ZBTB16: variants seen among roughly 807,000 people sequenced by gnomAD.
ZBTB16 encodes zinc finger and BTB domain-containing protein 16.
ZBTB16 carries 8 observed loss-of-function variants against 56.8 expected under a neutral mutation model. The observed-to-expected ratio is 0.14, with a 90% CI of 0.08 to 0.25. ZBTB16 has a LOEUF of 0.25. Among genes scored for constraint, ZBTB16 ranks in the 10% least tolerant of loss-of-function variants. ZBTB16 has a pLI of 1.00. For synonymous variants in ZBTB16, 363 were observed against 368.5 expected, an observed-to-expected ratio of 0.98 and a Z score of 0.17; for missense variants, 625 against 903.0, an observed-to-expected ratio of 0.69 and a Z score of 3.95.
intron 3 of ZBTB16, among the ~76,000 whole-genome samples, chr11:114,182,989 C>G (rs550546517): frequency 2.3e-4 from 35 of 152,310 alleles, no homozygotes; most frequent in African/African-American, 7.9e-4. Flanking sequence ...CCAGCCATTA[C>G]AGAGACCATT....
At chr11:114,205,396 T>G (rs1943841395) in intron 4 of ZBTB16, among the ~76,000 whole-genome samples, 1 of 145,600 alleles carries the variant, frequency 6.9e-6, no homozygotes, top group Non-Finnish European at 1.5e-5. Context: ...GGTGACAGAG[T>G]GAGACTCCGT....
rs1942409024 is a variant in ZBTB16, at chr11:114,156,342, T to C, written c.1274T>C (p.Leu425Pro). The C allele has an allele frequency of 6.2e-7, 1 of 1,614,240 alleles. No homozygotes were observed. Among genetic ancestry groups the C allele is most frequent in the East Asian group, 2.2e-5 (1 of 44,888 alleles). ...DNEAVEQHRK[L>P]HSGMKTYGCE... ...TCTTTTCCTTTCCCTTACAGGAAGC[T>C]GCACAGTGGGATGAAGACGTACGGG... The change falls in exon 3 of 7, where the codon CTG (leucine) becomes CCG (proline). Residue 425 changes from leucine to proline, a missense_variant. Transcript: ENST00000335953.
At chr11:114,067,981 C>T (rs1246563635) in intron 2 of ZBTB16, among the ~76,000 whole-genome samples, 1 of 149,024 alleles carries the variant, frequency 6.7e-6, no homozygotes, top group Non-Finnish European at 1.5e-5. Context: ...CTCCCCCCAA[C>T]CCATCAGCAG....
chr11:114,233,032 T>TGGCCCCCCCC (rs1555159413), intron 4 of ZBTB16, among the ~76,000 whole-genome samples: 1 of 122,880 alleles, frequency 8.1e-6, no homozygotes. Context: ...CCCCAACTCA[T>TGGCCCCCCCC]CCCCGGCCCC....
intron 2 of ZBTB16, among the ~76,000 whole-genome samples, chr11:114,092,580 A>G (rs1343721119): frequency 2.0e-5 from 3 of 152,212 alleles, no homozygotes; most frequent in East Asian, 1.9e-4. Context: ...AGGGACAGCA[A>G]TAGACTTCTG....
chr11:114,062,431 T>C (rs951016639), intron 1 of ZBTB16, among the ~76,000 whole-genome samples: 4 of 152,232 alleles, frequency 2.6e-5, no homozygotes, highest in Non-Finnish European at 5.9e-5. Context: ...TGTCTCTGGC[T>C]GGTGTACATA....
chr11:114,095,597 A>C (rs1307881870), intron 2 of ZBTB16, among the ~76,000 whole-genome samples: 3 of 152,164 alleles, frequency 2.0e-5, no homozygotes, highest in Admixed American at 1.3e-4. Flanking sequence ...GCAGGGAGAA[A>C]GAGACATGCA....
chr11:114,242,022 G>T lies in ZBTB16; in HGVS notation c.1454-145G>T. 3 of 1,083,436 alleles carry T rather than the reference G, an allele frequency of 2.8e-6. No homozygotes were observed. In the South Asian group the frequency reaches 4.0e-5, roughly 15 times the overall value. The allele number at this position is 1,083,436 out of a possible 1,614,324, so 67.1% of individuals were successfully genotyped here. ...GGCCACATACTGGGTGCTCAGTGTT[G>T]CATAGCCTGGGCCCACTCTGGATTT... On this transcript the variant is annotated intron_variant, in intron 4 of 6. Coordinates refer to ENST00000335953, the MANE Select transcript of ZBTB16 (RefSeq NM_006006.6).
At chr11:114,193,953 C>T (rs1405368813) in intron 4 of ZBTB16, among the ~76,000 whole-genome samples, 1 of 152,238 alleles carries the variant, frequency 6.6e-6, no homozygotes, top group Non-Finnish European at 1.5e-5. Context: ...CCAACTCCAA[C>T]TCAAGTGTTC....
chr11:114,061,199 C>T (rs1020659644), intron 1 of ZBTB16, among the ~76,000 whole-genome samples: 2 of 152,022 alleles, frequency 1.3e-5, no homozygotes, highest in African/African-American at 4.8e-5. Flanking sequence ...GGGTTATCGC[C>T]GGCTCTTCCC....
At chr11:114,184,422 T>C (rs1943318852) in intron 3 of ZBTB16, among the ~76,000 whole-genome samples, 1 of 152,232 alleles carries the variant, frequency 6.6e-6, no homozygotes, top group Non-Finnish European at 1.5e-5. Flanking sequence ...CCCAAAGCCC[T>C]GATGTGTAAA....
intron 5 of ZBTB16, among the ~76,000 whole-genome samples, chr11:114,244,785 AC>A (rs1196449811): frequency 5.3e-5 from 8 of 152,148 alleles, no homozygotes; most frequent in Non-Finnish European, 7.4e-5. Flanking sequence ...CTCTGTCTTA[AC>A]CCTTTGTTTT....
At chr11:114,203,763 G>A (rs1337507354) in intron 4 of ZBTB16, among the ~76,000 whole-genome samples, 2 of 152,198 alleles carry the variant, frequency 1.3e-5, no homozygotes, top group African/African-American at 4.8e-5. Context: ...CATTCAGACA[G>A]TGCAGGAGAC....
chr11:114,175,726 G>C (rs897249615), intron 3 of ZBTB16, among the ~76,000 whole-genome samples: 12 of 152,242 alleles, frequency 7.9e-5, no homozygotes, highest in Non-Finnish European at 2.9e-5. Context: ...GACCAGCCTG[G>C]AGAAAGTGAG....
At chr11:114,095,239 TCTTTTC>T (rs1565622329) in intron 2 of ZBTB16, among the ~76,000 whole-genome samples, 32 of 92,716 alleles carry the variant, frequency 3.5e-4, no homozygotes, top group African/African-American at 1.4e-3. Flanking sequence ...TCTTTTCTTT[TCTTTTC>T]TTTTTTTTTT....
chr11:114,136,455 C>T (rs1397320591), intron 2 of ZBTB16, among the ~76,000 whole-genome samples: 4 of 152,168 alleles, frequency 2.6e-5, no homozygotes, highest in African/African-American at 9.7e-5. Context: ...TCTTATTTTA[C>T]AGATGGGGAA....
intron 2 of ZBTB16, among the ~76,000 whole-genome samples, chr11:114,106,093 C>T (rs1055131146): frequency 2.6e-5 from 4 of 152,204 alleles, no homozygotes; most frequent in African/African-American, 9.6e-5. Flanking sequence ...CACCCCCACC[C>T]CTCCAGACTG....
chr11:114,246,934 C>A, intron 5 of ZBTB16: 1 of 521,844 alleles, frequency 1.9e-6, no homozygotes, highest in Non-Finnish European at 3.5e-6. Context: ...GGACTGCTGT[C>A]CATCCCTGAA....
intron 2 of ZBTB16, among the ~76,000 whole-genome samples, chr11:114,104,326 C>T (rs1218591331): frequency 6.6e-6 from 1 of 152,182 alleles, no homozygotes; most frequent in Non-Finnish European, 1.5e-5. Context: ...AGCCTGTAGA[C>T]ATTGCCTGCT....
Sources: allele counts gnomAD v4.1 joint callset (sites outside exome capture counted in the v4.1 genomes callset), GRCh38; gene constraint gnomAD v4.1.1; transcripts MANE v1.5; gene names NCBI Gene and HGNC (gene_info 2026-07-23, HGNC 2026-07-21).